RAI14: variants seen among roughly 807,000 people sequenced by gnomAD.
The protein encoded by RAI14 is ankycorbin.
RAI14 carries 45 observed loss-of-function variants against 115.4 expected under a neutral mutation model. The observed-to-expected ratio is 0.39, with a 90% CI of 0.31 to 0.50. The LOEUF is 0.50. Ranked by LOEUF, RAI14 falls within the 20% of genes least tolerant of loss-of-function variation. The probability of loss-of-function intolerance (pLI) is 0.85; values close to 1 mark genes in which losing one functional copy is unlikely to be tolerated. For missense variants in RAI14, 939 were observed against 1,131.2 expected (o/e 0.83, Z 2.44); for synonymous variants, 371 against 415.4 (o/e 0.89, Z 1.30).
chr5:34,687,521 T>C (rs1737996951), intron 2 of RAI14: 1 of 1,389,398 alleles, frequency 7.2e-7, no homozygotes, highest in Non-Finnish European at 9.4e-7. Context: ...GCAGTTATGA[T>C]GTCAGAGTTA....
At chr5:34,735,548 G>A (rs1744757439) in intron 2 of RAI14, among the ~76,000 whole-genome samples, 1 of 152,180 alleles carries the variant, frequency 6.6e-6, no homozygotes, top group African/African-American at 2.4e-5. Flanking sequence ...ATTTACAAAT[G>A]CATGTGGTAA....
chr5:34,671,303 AG>A (rs909279517), intron 1 of RAI14, among the ~76,000 whole-genome samples: 36 of 152,342 alleles, frequency 2.4e-4, no homozygotes, highest in African/African-American at 7.9e-4. Flanking sequence ...TGCACACACT[AG>A]GAGTCCATCA....
rs145656916 is a variant in RAI14, at chr5:34,828,723, C to A, written c.2800-1009C>A. On this transcript the variant is annotated intron_variant, in intron 16 of 17. Transcript: ENST00000265109. ...AGTTTCAGAGATAAGACCCTTGAAA[C>A]AGCCACTGAGAGGAACTGGAGTAAT... is the stretch of plus-strand genomic sequence containing the variant. 2.5e-3 allele frequency among the ~76,000 whole-genome samples: 374 copies of A among 152,222 alleles called. 1 individual carries two copies. Among genetic ancestry groups the A allele is most frequent in the African/African-American group, 8.7e-3 (361 of 41,530 alleles).
chr5:34,772,481 C>T (rs1057393422), intron 3 of RAI14, among the ~76,000 whole-genome samples: 4 of 152,194 alleles, frequency 2.6e-5, no homozygotes, highest in African/African-American at 9.7e-5. Context: ...TTTACTCCAA[C>T]CCCTCACAGG....
chr5:34,756,155 G>C (rs1262126384), intron 2 of RAI14, among the ~76,000 whole-genome samples: 1 of 152,194 alleles, frequency 6.6e-6, no homozygotes, highest in Non-Finnish European at 1.5e-5. Flanking sequence ...TATGGGCTAG[G>C]GTTGGGAGGG....
chr5:34,719,436 G>A (rs1318775668), intron 2 of RAI14, among the ~76,000 whole-genome samples: 1 of 152,226 alleles, frequency 6.6e-6, no homozygotes, highest in East Asian at 1.9e-4. Flanking sequence ...AAAGGGAGGA[G>A]AAATAGATTA....
At chr5:34,754,092 A>AG (rs1218587277) in intron 2 of RAI14, among the ~76,000 whole-genome samples, 3 of 151,474 alleles carry the variant, frequency 2.0e-5, no homozygotes, top group African/African-American at 7.3e-5. Context: ...AAAGAAAGAA[A>AG]AAAAAAAGAG....
In RAI14 at chr5:34,803,787, G is replaced by T; in HGVS notation, c.321+11G>T. ...AGGAAGCTGCTTCAGGTAAGCTGGT[G>T]ACAACTTAGAATTATAAATGTGTCG... On this transcript the variant is annotated intron_variant, in intron 5 of 17. Coordinates refer to ENST00000265109, the MANE Select transcript of RAI14 (RefSeq NM_015577.3). 6.2e-7 allele frequency: 1 copy of T among 1,605,698 alleles called. No individual in the cohort carries two copies. Among genetic ancestry groups the T allele is most frequent in the South Asian group, 1.1e-5 (1 of 89,756 alleles).
chr5:34,692,871 G>A (rs1206484594), intron 2 of RAI14, among the ~76,000 whole-genome samples: 5 of 152,156 alleles, frequency 3.3e-5, no homozygotes, highest in Non-Finnish European at 5.9e-5. Context: ...TTGTCTCAGA[G>A]TTTGGGAGGC....
chr5:34,764,871 A>G (rs1580178368), intron 3 of RAI14, among the ~76,000 whole-genome samples: 1 of 152,214 alleles, frequency 6.6e-6, no homozygotes, highest in African/African-American at 2.4e-5. Context: ...TTGTGTCCCC[A>G]CCCAAATCTC....
intron 2 of RAI14, among the ~76,000 whole-genome samples, chr5:34,699,159 A>G (rs1739722703): frequency 6.6e-6 from 1 of 152,234 alleles, no homozygotes; most frequent in Admixed American, 6.5e-5. Context: ...ATTTACCACT[A>G]AAATACACTT....
chr5:34,724,610 G>A (rs1350776876), intron 2 of RAI14, among the ~76,000 whole-genome samples: 1 of 152,066 alleles, frequency 6.6e-6, no homozygotes, highest in African/African-American at 2.4e-5. Context: ...GCAAGAAACA[G>A]CTCTCTGTCA....
chr5:34,819,857 C>T (rs1319801291), intron 13 of RAI14, among the ~76,000 whole-genome samples: 1 of 152,160 alleles, frequency 6.6e-6, no homozygotes, highest in Non-Finnish European at 1.5e-5. Flanking sequence ...CCCACCTTGG[C>T]CCCCCATAGT....
At chr5:34,776,702 G>A (rs1038582982) in intron 3 of RAI14, among the ~76,000 whole-genome samples, 3 of 151,932 alleles carry the variant, frequency 2.0e-5, no homozygotes, top group Admixed American at 1.3e-4. Context: ...AACTATTCGG[G>A]AGACTGAGAT....
chr5:34,778,753 T>C (rs62355691), intron 3 of RAI14, among the ~76,000 whole-genome samples: 9 of 136,322 alleles, frequency 6.6e-5, no homozygotes, highest in African/African-American at 2.1e-4. Context: ...TTTTTTTTTT[T>C]AAAGAAAGGA....
chr5:34,803,782 C>CTGG lies in RAI14; in HGVS notation c.321+9_321+11dup, dbSNP rs763215035. The CTGG allele has an allele frequency of 1.9e-6, 3 of 1,608,026 alleles. No homozygotes were observed. Among genetic ancestry groups the CTGG allele is most frequent in the Non-Finnish European group, 1.7e-6 (2 of 1,176,146 alleles). ...GCATCAGGAAGCTGCTTCAGGTAAG[C>CTGG]TGGTGACAACTTAGAATTATAAATG... On this transcript the variant is annotated splice_region_variant and intron_variant, in intron 5 of 17. Transcript: ENST00000265109.
At chr5:34,777,701 C>A (rs1023425405) in intron 3 of RAI14, among the ~76,000 whole-genome samples, 17 of 152,102 alleles carry the variant, frequency 1.1e-4, no homozygotes, top group African/African-American at 4.1e-4. Context: ...ATCGCTTGAA[C>A]CCGGGAGGCA....
intron 4 of RAI14, among the ~76,000 whole-genome samples, chr5:34,799,516 A>G (rs1042114791): frequency 1.8e-5 from 2 of 108,772 alleles, no homozygotes; most frequent in African/African-American, 5.9e-5. Flanking sequence ...ACACACACAC[A>G]CACACACACA....
intron 2 of RAI14, among the ~76,000 whole-genome samples, chr5:34,690,186 A>T (rs1229103484): frequency 6.6e-6 from 1 of 152,222 alleles, no homozygotes; most frequent in Non-Finnish European, 1.5e-5. Flanking sequence ...GCAAGCTTAC[A>T]AACATTTACA....
Sources: gnomAD v4.1 joint callset for allele counts (sites outside exome capture counted in the v4.1 genomes callset) on GRCh38, gnomAD v4.1.1 for gene constraint, MANE v1.5 for transcripts, NCBI Gene and HGNC (gene_info 2026-07-23, HGNC 2026-07-21) for gene names.